The following UBXN2A variants were observed in gnomAD, a reference collection of about 807,000 sequenced individuals.
The protein encoded by UBXN2A is UBX domain-containing protein 2A.
Under a neutral mutation model 28.4 loss-of-function variants are expected in UBXN2A, and 28 were observed. The observed-to-expected ratio is 0.99, with a 90% confidence interval of 0.73 to 1.35. The LOEUF is 1.35. Ranked by LOEUF, UBXN2A falls within the 40% of genes most tolerant of loss-of-function variation. UBXN2A has a pLI of 0.00. For missense variants in UBXN2A, 253 were observed against 297.9 expected (o/e 0.85, Z 1.11); for synonymous variants, 97 against 103.6 (o/e 0.94, Z 0.39).
At chr2:23,987,433 A>G (rs1015603395) in intron 6 of UBXN2A, among the ~76,000 whole-genome samples, 4 of 152,144 alleles carry the variant, frequency 2.6e-5, no homozygotes, top group African/African-American at 9.7e-5. Context: ...AATAGACTAA[A>G]TTGTTTTGCT....
At chr2:23,995,184 C>T (rs1302621236) in intron 6 of UBXN2A, among the ~76,000 whole-genome samples, 1 of 151,960 alleles carries the variant, frequency 6.6e-6, no homozygotes, top group Admixed American at 6.6e-5. Context: ...TAAATCCCAG[C>T]TTCTTGTCTC....
intron 6 of UBXN2A, among the ~76,000 whole-genome samples, chr2:23,994,229 T>C (rs1306122328): frequency 2.0e-5 from 3 of 152,192 alleles, no homozygotes; most frequent in East Asian, 3.9e-4. Context: ...TTTAAAATTT[T>C]TCTCTTTGTT....
intron 1 of UBXN2A, among the ~76,000 whole-genome samples, chr2:23,943,098 G>A (rs903332368): frequency 6.6e-5 from 10 of 151,880 alleles, no homozygotes; most frequent in Non-Finnish European, 1.3e-4. Context: ...TGGGATTACA[G>A]GCATGCGCCA....
intron 6 of UBXN2A, among the ~76,000 whole-genome samples, chr2:23,987,452 A>G (rs1324632240): frequency 2.0e-5 from 3 of 152,130 alleles, no homozygotes; most frequent in Admixed American, 6.6e-5. Context: ...CTTATTTCCA[A>G]ATAATTACTC....
chr2:23,967,487 A>G (rs1478758886), intron 2 of UBXN2A, among the ~76,000 whole-genome samples: 4 of 152,208 alleles, frequency 2.6e-5, no homozygotes, highest in Non-Finnish European at 5.9e-5. Flanking sequence ...CTTACTATAT[A>G]CCATGTTTAG....
intron 5 of UBXN2A, among the ~76,000 whole-genome samples, chr2:23,984,444 T>C (rs1708041185): frequency 1.3e-5 from 2 of 152,174 alleles, no homozygotes; most frequent in Admixed American, 1.3e-4. Flanking sequence ...AGTAATAATA[T>C]ATGTAGCTTA....
chr2:23,984,531 C>T, intron 5 of UBXN2A, 142 bp from the exon 6 acceptor site: 1 of 611,486 alleles, frequency 1.6e-6, no homozygotes. Flanking sequence ...ATATATCTTT[C>T]TGTTATTACT....
chr2:23,940,657 CCCGGGG>C lies in UBXN2A; in HGVS notation c.-15+13_-15+18del. 6.6e-6 allele frequency: 1 copy of C among 151,784 alleles called. No individual in the cohort carries two copies. Among genetic ancestry groups the C allele is most frequent in the South Asian group, 2.1e-4 (1 of 4,836 alleles). 9.4% of individuals were successfully genotyped at this position (151,784 alleles called of 1,614,324 possible). Reference sequence around the variant, plus strand: ...GGAGGCCGTGCCCGGAGGTGAGCGTCCCGGGGCCGCGCCGCGTCCGGCGGGGTGAGG... The same window carrying C: ...GGAGGCCGTGCCCGGAGGTGAGCGTCCCGCGCCGCGTCCGGCGGGGTGAGG... On this transcript the variant is annotated intron_variant, in intron 1 of 6. Coordinates refer to ENST00000309033, the MANE Select transcript of UBXN2A (RefSeq NM_181713.4).
chr2:23,984,554 A>G (rs1452841553), intron 5 of UBXN2A, 119 bp from the exon 6 acceptor site: 6 of 860,438 alleles, frequency 7.0e-6, no homozygotes, highest in East Asian at 3.5e-5. Context: ...AGAAACACAT[A>G]TAACTTAAAA....
intron 1 of UBXN2A, among the ~76,000 whole-genome samples, chr2:23,945,788 A>T (rs1355587382): frequency 1.3e-5 from 2 of 151,658 alleles, no homozygotes; most frequent in African/African-American, 2.4e-5. Context: ...GCAATTTTTA[A>T]TTTAATTTTT....
chr2:23,966,665 A>T (rs920182258), intron 2 of UBXN2A, among the ~76,000 whole-genome samples: 5 of 144,408 alleles, frequency 3.5e-5, no homozygotes, highest in Non-Finnish European at 6.0e-5. Context: ...GTTAGCCAGG[A>T]TGGTCTCGAT....
rs1035364260 is a variant in UBXN2A at position 24,002,452 on chromosome 2, C to T, written c.*2585C>T. 1 of 152,032 alleles carries T rather than the reference C, an allele frequency of 6.6e-6. No homozygotes were observed. Among genetic ancestry groups the T allele is most frequent in the Admixed American group, 6.6e-5 (1 of 15,248 alleles). 9.4% of individuals were successfully genotyped at this position (152,032 alleles called of 1,614,324 possible). A position where few individuals can be genotyped will look rare whatever the true frequency, so the allele number is the denominator to read the frequency against. ...TTGAGATAGAGTTTTGCTCTTTCCCCCAGACTAGAGTGCAATGGCGCGATC... is the reference window on the plus strand; with the variant it reads ...TTGAGATAGAGTTTTGCTCTTTCCCTCAGACTAGAGTGCAATGGCGCGATC... On this transcript the variant is annotated 3_prime_UTR_variant, in exon 7 of 7. Transcript: ENST00000309033.
chr2:23,969,435 T>A (rs1047126215), intron 2 of UBXN2A, among the ~76,000 whole-genome samples: 4 of 151,798 alleles, frequency 2.6e-5, no homozygotes, highest in Non-Finnish European at 5.9e-5. Flanking sequence ...CAATCTCGGC[T>A]CACTGTGACC....
At chr2:23,980,782 C>T (rs2150889732) in intron 4 of UBXN2A, among the ~76,000 whole-genome samples, 1 of 152,242 alleles carries the variant, frequency 6.6e-6, no homozygotes, top group South Asian at 2.1e-4. Flanking sequence ...CATGTACCAC[C>T]ACATCCGGCT....
chr2:23,996,126 G>C (rs1708522380), intron 6 of UBXN2A, among the ~76,000 whole-genome samples: 2 of 151,102 alleles, frequency 1.3e-5, no homozygotes, highest in South Asian at 4.2e-4. Context: ...GAGTGCAGTG[G>C]CATGATCTCG....
chr2:23,944,426 C>A, intron 1 of UBXN2A: 1 of 1,013,034 alleles, frequency 9.9e-7, no homozygotes, highest in South Asian at 1.3e-5. Flanking sequence ...AGTCTTATCT[C>A]CACCCTGGGA....
At chr2:23,980,611 C>T (rs762404053) in intron 4 of UBXN2A, among the ~76,000 whole-genome samples, 1 of 151,968 alleles carries the variant, frequency 6.6e-6, no homozygotes, top group Non-Finnish European at 1.5e-5. Flanking sequence ...AATCCTCTGT[C>T]CAGTTTTTTT....
At chr2:23,960,102 A>C (rs1198340431) in intron 2 of UBXN2A, among the ~76,000 whole-genome samples, 2 of 152,010 alleles carry the variant, frequency 1.3e-5, no homozygotes, top group African/African-American at 4.8e-5. Flanking sequence ...AATACAAAAA[A>C]AAAATTAACT....
intron 1 of UBXN2A, among the ~76,000 whole-genome samples, chr2:23,929,483 G>T (rs1044833836): frequency 4.0e-5 from 6 of 151,398 alleles, no homozygotes; most frequent in African/African-American, 1.5e-4. Flanking sequence ...AGGCAGAGGC[G>T]GGCGGATCAC....
Sources: allele counts gnomAD v4.1 joint callset (sites outside exome capture counted in the v4.1 genomes callset), GRCh38; gene constraint gnomAD v4.1.1; transcripts MANE v1.5; gene names NCBI Gene and HGNC (gene_info 2026-07-23, HGNC 2026-07-21).